Variants in SSBP3 observed in about 807,000 individuals in gnomAD.
The protein encoded by SSBP3 is single-stranded DNA-binding protein 3.
In SSBP3, 5 loss-of-function variants were observed where a neutral mutation model predicts 69.6. The ratio of observed to expected loss-of-function variants is 0.07; its 90% CI spans 0.04 to 0.15. SSBP3 has a LOEUF of 0.15. Ranked by LOEUF, SSBP3 falls within the 10% of genes least tolerant of loss-of-function variation. The pLI is 1.00. For missense variants in SSBP3, 312 were observed against 534.0 expected, an observed-to-expected ratio of 0.58 and a Z score of 4.10; for synonymous variants, 196 against 193.4, an observed-to-expected ratio of 1.01 and a Z score of -0.11.
At chr1:54,240,472 A>AGG (rs58775450) in intron 13 of SSBP3, among the ~76,000 whole-genome samples, 4 of 63,346 alleles carry the variant, frequency 6.3e-5, no homozygotes, top group East Asian at 6.5e-4. Context: ...GAAAAAAAAA[A>AGG]GGGGGGGGGG....
chr1:54,284,306 C>T (rs1245714832), intron 4 of SSBP3, among the ~76,000 whole-genome samples: 2 of 151,638 alleles, frequency 1.3e-5, no homozygotes, highest in Non-Finnish European at 2.9e-5. Context: ...CTTTGGTATT[C>T]GGTATTCTGA....
At chr1:54,346,394 T>A (rs1341581997) in intron 4 of SSBP3, among the ~76,000 whole-genome samples, 2 of 152,054 alleles carry the variant, frequency 1.3e-5, no homozygotes, top group East Asian at 1.9e-4. Flanking sequence ...GGTCCCCTTG[T>A]AACAGGAATT....
chr1:54,257,256 A>C, intron 6 of SSBP3, 70 bp from the exon 7 acceptor site: 1 of 1,370,188 alleles, frequency 7.3e-7, no homozygotes, highest in Non-Finnish European at 9.8e-7. Flanking sequence ...AATGCTCTCC[A>C]CTCCACAAAG....
At chr1:54,369,226 G>A (rs1392471363) in intron 4 of SSBP3, among the ~76,000 whole-genome samples, 6 of 149,318 alleles carry the variant, frequency 4.0e-5, no homozygotes, top group Admixed American at 6.6e-5. Flanking sequence ...GTCGGGGGGG[G>A]GGCCCAAGCC....
intron 4 of SSBP3, among the ~76,000 whole-genome samples, chr1:54,296,957 CACTT>C (rs1264094772): frequency 6.6e-6 from 1 of 152,202 alleles, no homozygotes; most frequent in African/African-American, 2.4e-5. Flanking sequence ...AGGCTGATCT[CACTT>C]AATCCTCCCA....
At chr1:54,390,140 T>C (rs982551585) in intron 4 of SSBP3, among the ~76,000 whole-genome samples, 7 of 152,176 alleles carry the variant, frequency 4.6e-5, no homozygotes, top group Admixed American at 4.6e-4. Context: ...GCCTGTCCCC[T>C]ACATTGTCCA....
intron 4 of SSBP3, among the ~76,000 whole-genome samples, chr1:54,365,675 C>T (rs531481075): frequency 6.6e-6 from 1 of 152,266 alleles, no homozygotes; most frequent in South Asian, 2.1e-4. Context: ...CCCTACCCAG[C>T]TCCGTCATGA....
chr1:54,396,193 G>GAAAAAAAAAAAAAAAAA (rs59276509), intron 4 of SSBP3, among the ~76,000 whole-genome samples: 56 of 40,578 alleles, frequency 1.4e-3, no homozygotes, highest in South Asian at 3.0e-3. Flanking sequence ...CTCCATCTCA[G>GAAAAAAAAAAAAAAAAA]AAAAAAAAAA....
At chr1:54,250,079 G>A (rs1570257939) in intron 9 of SSBP3, among the ~76,000 whole-genome samples, 1 of 152,206 alleles carries the variant, frequency 6.6e-6, no homozygotes, top group African/African-American at 2.4e-5. Flanking sequence ...GGGAAGCTCC[G>A]CTCCTACTCT....
intron 3 of SSBP3, among the ~76,000 whole-genome samples, chr1:54,403,880 T>C (rs1649485538): frequency 6.6e-6 from 1 of 152,078 alleles, no homozygotes; most frequent in Admixed American, 6.5e-5. Context: ...AGACCAGACC[T>C]GCGGTGGCCC....
chr1:54,326,183 C>G (rs991884976), intron 4 of SSBP3: 6 of 152,142 alleles, frequency 3.9e-5, no homozygotes, highest in African/African-American at 1.4e-4. Context: ...AAACAATTAG[C>G]GGATGAATGA....
chr1:54,378,116 G>A (rs1438949505), intron 4 of SSBP3, among the ~76,000 whole-genome samples: 3 of 152,044 alleles, frequency 2.0e-5, no homozygotes, highest in Admixed American at 1.3e-4. Context: ...AGATGCCCTC[G>A]GACCTCTGGC....
At chr1:54,371,459 T>C (rs1647132432) in intron 4 of SSBP3, among the ~76,000 whole-genome samples, 1 of 152,126 alleles carries the variant, frequency 6.6e-6, no homozygotes, top group Non-Finnish European at 1.5e-5. Context: ...TGCCAACACA[T>C]AGGGAGTGCC....
chr1:54,397,115 T>C (rs1343059575), intron 4 of SSBP3, among the ~76,000 whole-genome samples: 1 of 152,088 alleles, frequency 6.6e-6, no homozygotes, highest in African/African-American at 2.4e-5. Flanking sequence ...CACACAAGGG[T>C]GCCAAGGGTC....
intron 4 of SSBP3, among the ~76,000 whole-genome samples, chr1:54,301,919 A>G (rs1241550182): frequency 1.3e-5 from 2 of 152,160 alleles, no homozygotes; most frequent in Non-Finnish European, 2.9e-5. Flanking sequence ...CCCCCAAATT[A>G]TGTGTGCAAA....
At chr1:54,240,505 T>C (rs1329511994) in intron 13 of SSBP3, among the ~76,000 whole-genome samples, 1 of 137,540 alleles carries the variant, frequency 7.3e-6, no homozygotes, top group Admixed American at 7.2e-5. Flanking sequence ...AGGGATCTCC[T>C]ATATAGAGGA....
At chr1:54,398,109 A>C (rs1649026187) in intron 4 of SSBP3, among the ~76,000 whole-genome samples, 1 of 152,186 alleles carries the variant, frequency 6.6e-6, no homozygotes, top group African/African-American at 2.4e-5. Flanking sequence ...AGAAAGATAG[A>C]GGATTTCTAG....
chr1:54,369,105 G>A (rs922326640), intron 4 of SSBP3, among the ~76,000 whole-genome samples: 17 of 151,520 alleles, frequency 1.1e-4, no homozygotes, highest in Admixed American at 3.3e-4. Context: ...CTGCTAAAAC[G>A]AAAAAAAGTA....
intron 4 of SSBP3, among the ~76,000 whole-genome samples, chr1:54,314,927 G>A (rs1288695751): frequency 1.3e-5 from 2 of 152,132 alleles, no homozygotes; most frequent in Non-Finnish European, 2.9e-5. Context: ...AAGGGGGAAG[G>A]GAGCTGAAAA....
Sources: gnomAD v4.1 joint callset for allele counts (sites outside exome capture counted in the v4.1 genomes callset) on GRCh38, gnomAD v4.1.1 for gene constraint, MANE v1.5 for transcripts, NCBI Gene and HGNC (gene_info 2026-07-23, HGNC 2026-07-21) for gene names.